The following PPM1H variants were observed in gnomAD, a reference collection of about 807,000 sequenced individuals.
PPM1H encodes the protein protein phosphatase 1H.
In PPM1H, 27 loss-of-function variants were observed where a neutral mutation model predicts 54.9. That is an observed-to-expected ratio of 0.49 (90% CI 0.36 to 0.68). The LOEUF is 0.68. Among genes scored for constraint, PPM1H ranks in the 30% least tolerant of loss-of-function variants. The probability of loss-of-function intolerance (pLI) is 0.00; values close to 1 mark genes in which losing one functional copy is unlikely to be tolerated. For synonymous variants in PPM1H, 305 were observed against 270.8 expected (o/e 1.13, Z -1.24); for missense variants, 596 against 667.8 (o/e 0.89, Z 1.19).
intron 4 of PPM1H, among the ~76,000 whole-genome samples, chr12:62,781,955 G>A (rs774522491): frequency 6.6e-6 from 1 of 152,086 alleles, no homozygotes; most frequent in South Asian, 2.1e-4. Flanking sequence ...TGGGGAGGGG[G>A]CTCTGCAGAA....
rs2076771877 is a variant in PPM1H, at chr12:62,801,862, T to C, written c.710A>G (p.His237Arg). Residue 237 changes from histidine to arginine, a missense_variant, in exon 3 of 10, where the codon CAT (histidine) becomes CGT (arginine). Physicochemically the swap from His to Arg is conservative, Grantham distance 29 (BLOSUM62 0). Coordinates refer to ENST00000228705, the MANE Select transcript of PPM1H (RefSeq NM_020700.2). ...TRFFTEKKIP[H>R]ECLVIGALES... ...AAGCGCTCCGATGACCAGGCACTCA[T>C]GGGGAATCTTCTTCTCGGTAAAGAA... 1 of 1,613,874 alleles carries C rather than the reference T, an allele frequency of 6.2e-7. No individual in the cohort carries two copies. Among genetic ancestry groups the C allele is most frequent in the African/African-American group, 1.3e-5 (1 of 75,052 alleles).
intron 6 of PPM1H, among the ~76,000 whole-genome samples, chr12:62,708,214 A>T (rs535776062): frequency 6.6e-6 from 1 of 152,224 alleles, no homozygotes; most frequent in Non-Finnish European, 1.5e-5. Context: ...CCTCTCTCTT[A>T]ATAAGTCCTT....
chr12:62,834,400 G>A lies in PPM1H; in HGVS notation c.246-2121C>T, dbSNP rs1868439777. Reference sequence around the variant, plus strand: ...CTACCGCATTTACTGCCTGAGCTAAGCAACTTATCAGAAGCTCCACAGCCA... The same window carrying A: ...CTACCGCATTTACTGCCTGAGCTAAACAACTTATCAGAAGCTCCACAGCCA... On this transcript the variant is annotated intron_variant, in intron 1 of 9. Coordinates refer to ENST00000228705, the MANE Select transcript of PPM1H (RefSeq NM_020700.2). Among the ~76,000 whole-genome samples, 4 of 152,196 alleles carry A rather than the reference G, an allele frequency of 2.6e-5. No homozygotes were observed. The South Asian group carries it at 8.3e-4, about 32-fold the overall frequency.
chr12:62,666,525 T>C (rs1405205650), intron 9 of PPM1H, among the ~76,000 whole-genome samples: 1 of 152,246 alleles, frequency 6.6e-6, no homozygotes, highest in African/African-American at 2.4e-5. Flanking sequence ...CTATCAGTGC[T>C]GGGGTGCATT....
chr12:62,773,012 G>A (rs918235585), intron 4 of PPM1H, among the ~76,000 whole-genome samples: 1 of 152,138 alleles, frequency 6.6e-6, no homozygotes, highest in Non-Finnish European at 1.5e-5. Flanking sequence ...GCTGGGCATG[G>A]TGGCGCGCGC....
At chr12:62,871,385 C>A (rs1490976330) in intron 1 of PPM1H, among the ~76,000 whole-genome samples, 1 of 151,784 alleles carries the variant, frequency 6.6e-6, no homozygotes, top group African/African-American at 2.4e-5. Context: ...ATAGGGGAGG[C>A]AGAGAATGGG....
chr12:62,849,303 T>G (rs1309182177), intron 1 of PPM1H, among the ~76,000 whole-genome samples: 5 of 152,200 alleles, frequency 3.3e-5, no homozygotes, highest in African/African-American at 1.2e-4. Flanking sequence ...GAAATAACAC[T>G]TGTAAATACT....
intron 3 of PPM1H, among the ~76,000 whole-genome samples, chr12:62,800,832 G>A (rs576510618): frequency 2.0e-5 from 3 of 152,300 alleles, no homozygotes; most frequent in East Asian, 1.9e-4. Context: ...AAGCAGAGGC[G>A]GCTTCTATGT....
At chr12:62,871,809 C>T (rs1592646750) in intron 1 of PPM1H, among the ~76,000 whole-genome samples, 2 of 152,034 alleles carry the variant, frequency 1.3e-5, no homozygotes, top group South Asian at 2.1e-4. Context: ...AGCCACCATG[C>T]CTGGCCAAAA....
At chr12:62,726,880 G>A (rs1486949675) in intron 5 of PPM1H, among the ~76,000 whole-genome samples, 1 of 151,970 alleles carries the variant, frequency 6.6e-6, no homozygotes, top group Non-Finnish European at 1.5e-5. Flanking sequence ...TCTGTAAAGT[G>A]TTGGGGCAGG....
At chr12:62,747,019 G>A (rs545325240) in intron 4 of PPM1H, among the ~76,000 whole-genome samples, 2 of 152,002 alleles carry the variant, frequency 1.3e-5, no homozygotes, top group Non-Finnish European at 2.9e-5. Flanking sequence ...TGGCACGATC[G>A]TGGCTCACTG....
At chr12:62,690,532 A>G (rs7135102) in intron 7 of PPM1H, among the ~76,000 whole-genome samples, 12,946 of 152,194 alleles carry the variant, frequency 0.085, 1,395 homozygotes, top group African/African-American at 0.24. Context: ...TAAGGAAGTA[A>G]CACTATTACA....
chr12:62,674,389 C>T lies in PPM1H; in HGVS notation c.1246-7060G>A, dbSNP rs146688529. The stretch of plus-strand genomic sequence containing the variant: ...ATAAAGAGATGAAATCTTGTCCCCT[C>T]TATTTCATGTGTCCAACCCAACAGC... On this transcript the variant is annotated intron_variant, in intron 8 of 9. Coordinates refer to ENST00000228705, the MANE Select transcript of PPM1H (RefSeq NM_020700.2). Among the ~76,000 whole-genome samples the T allele has an allele frequency of 6.3e-3, 963 of 152,332 alleles. 8 individuals are homozygous for T. The highest frequency in any genetic ancestry group is 0.011 in the Non-Finnish European group (729 of 68,024).
At chr12:62,932,896 A>G (rs921468446) in intron 1 of PPM1H, among the ~76,000 whole-genome samples, 6 of 151,884 alleles carry the variant, frequency 4.0e-5, no homozygotes, top group Non-Finnish European at 5.9e-5. Flanking sequence ...CGGCCTCCCA[A>G]AGTGCTGCGA....
intron 4 of PPM1H, among the ~76,000 whole-genome samples, chr12:62,764,964 C>G (rs2076532766): frequency 6.6e-6 from 1 of 152,214 alleles, no homozygotes; most frequent in Non-Finnish European, 1.5e-5. Context: ...AGGACAGGCT[C>G]AGGGGAGGCT....
At chr12:62,774,990 A>G (rs2076601662) in intron 4 of PPM1H, among the ~76,000 whole-genome samples, 1 of 152,176 alleles carries the variant, frequency 6.6e-6, no homozygotes, top group Admixed American at 6.5e-5. Context: ...GGACTAGATG[A>G]GTGGTTCCCA....
At chr12:62,920,431 A>G (rs2121165844) in intron 1 of PPM1H, among the ~76,000 whole-genome samples, 1 of 151,064 alleles carries the variant, frequency 6.6e-6, no homozygotes, top group East Asian at 2.0e-4. Context: ...AGTTCAGGTG[A>G]TCCTCCCACC....
chr12:62,657,602 T>C (rs551564692), intron 9 of PPM1H, among the ~76,000 whole-genome samples: 1 of 152,286 alleles, frequency 6.6e-6, no homozygotes, highest in Admixed American at 6.5e-5. Flanking sequence ...TTAAAACCAG[T>C]AATTGGTATG....
chr12:62,741,967 T>C (rs1411684466), intron 4 of PPM1H, among the ~76,000 whole-genome samples: 1 of 151,920 alleles, frequency 6.6e-6, no homozygotes, highest in African/African-American at 2.4e-5. Flanking sequence ...TTTTGTTGGT[T>C]TTGCAAAAAG....
Sources: allele counts gnomAD v4.1 joint callset (sites outside exome capture counted in the v4.1 genomes callset), GRCh38; gene constraint gnomAD v4.1.1; transcripts MANE v1.5; gene names NCBI Gene and HGNC (gene_info 2026-07-23, HGNC 2026-07-21).